TRAPPC9: variants seen among roughly 807,000 people sequenced by gnomAD.
The protein encoded by TRAPPC9 is trafficking protein particle complex subunit 9.
In TRAPPC9, 83 loss-of-function variants were observed where a neutral mutation model predicts 124.0. The observed-to-expected ratio is 0.67, with a 90% CI of 0.56 to 0.80. TRAPPC9 has a LOEUF of 0.80. Among genes scored for constraint, TRAPPC9 ranks in the 30% least tolerant of loss-of-function variants. TRAPPC9 has a pLI of 0.00. For synonymous variants in TRAPPC9, 638 were observed against 617.5 expected, an observed-to-expected ratio of 1.03 and a Z score of -0.49; for missense variants, 1,302 against 1,508.3, an observed-to-expected ratio of 0.86 and a Z score of 2.27.
At chr8:140,235,782 C>T (rs145363951) in intron 16 of TRAPPC9, among the ~76,000 whole-genome samples, 12 of 152,312 alleles carry the variant, frequency 7.9e-5, no homozygotes, top group Admixed American at 3.9e-4. Flanking sequence ...CTACCAAATA[C>T]ATGCACAAGA....
intron 17 of TRAPPC9, among the ~76,000 whole-genome samples, chr8:140,119,788 C>T (rs1164104934): frequency 6.6e-6 from 1 of 152,196 alleles, no homozygotes; most frequent in Non-Finnish European, 1.5e-5. Flanking sequence ...TCTCAAATGT[C>T]ACCTTCTCTA....
intron 7 of TRAPPC9, among the ~76,000 whole-genome samples, chr8:140,383,003 A>G (rs1035819918): frequency 6.6e-6 from 1 of 152,256 alleles, no homozygotes; most frequent in East Asian, 1.9e-4. Context: ...TTTGCTGTTC[A>G]GCAATATTAG....
intron 18 of TRAPPC9, among the ~76,000 whole-genome samples, chr8:139,996,985 G>A (rs1221863881): frequency 6.6e-6 from 1 of 152,172 alleles, no homozygotes. Context: ...GACCTCAGGT[G>A]ATCCACCCAC....
In TRAPPC9 at chr8:139,962,653, T is replaced by G. The variant is rs1409132873; in HGVS notation, c.2810+26073A>C. Among the ~76,000 whole-genome samples, 7 of 124,410 alleles carry G rather than the reference T, an allele frequency of 5.6e-5. 2 individuals carry two copies. Among genetic ancestry groups the G allele is most frequent in the Non-Finnish European group, 1.2e-4 (6 of 52,164 alleles). The allele number at this position is 124,410 out of a possible 152,430, so 81.6% of individuals were successfully genotyped here. A position where few individuals can be genotyped will look rare whatever the true frequency, so the allele number is the denominator to read the frequency against. Reference sequence around the variant, plus strand: ...CCCACTGCCATTCTCCCAGCCCCACTGGAAGCATGTGGCCACGGTGACCAG... The same window carrying G: ...CCCACTGCCATTCTCCCAGCCCCACGGGAAGCATGTGGCCACGGTGACCAG... On this transcript the variant is annotated intron_variant, in intron 19 of 22. Coordinates refer to ENST00000438773, the MANE Select transcript of TRAPPC9 (RefSeq NM_001160372.4).
At chr8:140,184,587 C>T (rs957095483) in intron 17 of TRAPPC9, among the ~76,000 whole-genome samples, 1 of 152,156 alleles carries the variant, frequency 6.6e-6, no homozygotes, top group South Asian at 2.1e-4. Context: ...AGGAGTAAGC[C>T]ACCATGCCTG....
Position 139,984,119 on chromosome 8 carries a change from GCAC to G in TRAPPC9, c.2810+4604_2810+4606del, listed in dbSNP as rs1251324547. ...TACTAGGAGGGAGGAGAGGCGGCAG[GCAC>G]CACAATTATCTAACTGGGGTTGGTC... On this transcript the variant is annotated intron_variant, in intron 19 of 22. Coordinates refer to ENST00000438773, the MANE Select transcript of TRAPPC9 (RefSeq NM_001160372.4). The surrounding 1 kb of genome is among the most constrained non-coding windows in gnomAD (Gnocchi z 4.3). Among the ~76,000 whole-genome samples the G allele has an allele frequency of 1.3e-5, 2 of 152,144 alleles. No homozygotes were observed. Among genetic ancestry groups the G allele is most frequent in the East Asian group, 3.9e-4 (2 of 5,170 alleles).
At chr8:139,913,087 G>A (rs139375567) in intron 19 of TRAPPC9, among the ~76,000 whole-genome samples, 199 of 152,312 alleles carry the variant, frequency 1.3e-3, no homozygotes, top group African/African-American at 4.7e-3. Flanking sequence ...CAGAGCACAC[G>A]CTGGATGCTG....
At chr8:140,275,610 G>A (rs1321151859) in intron 15 of TRAPPC9, 48 bp downstream of exon 15, 2 of 1,584,584 alleles carry the variant, frequency 1.3e-6, no homozygotes, top group South Asian at 1.1e-5. Context: ...TCTTCTACAA[G>A]TAAACAATAC....
intron 4 of TRAPPC9, among the ~76,000 whole-genome samples, chr8:140,432,731 G>A (rs935154999): frequency 6.6e-6 from 1 of 152,078 alleles, no homozygotes; most frequent in African/African-American, 2.4e-5. Context: ...AATTAGCCAG[G>A]CGTGGTGGCG....
intron 19 of TRAPPC9, among the ~76,000 whole-genome samples, chr8:139,981,774 G>C (rs1836913231): frequency 6.6e-6 from 1 of 152,186 alleles, no homozygotes; most frequent in Non-Finnish European, 1.5e-5. Flanking sequence ...CCCCAGGTTG[G>C]CCATTGCCTG....
intron 21 of TRAPPC9, among the ~76,000 whole-genome samples, chr8:139,755,210 T>A (rs140966890): frequency 1.3e-5 from 2 of 152,334 alleles, no homozygotes; most frequent in African/African-American, 2.4e-5. Context: ...GCTGAGTGAA[T>A]CAGTGAACCT....
intron 17 of TRAPPC9, among the ~76,000 whole-genome samples, chr8:140,147,764 CAAAAT>C (rs771503260): frequency 5.3e-5 from 8 of 152,328 alleles, no homozygotes; most frequent in Non-Finnish European, 1.2e-4. Flanking sequence ...ACTTGATTCT[CAAAAT>C]AAGCCACAGA....
In TRAPPC9 at chr8:139,984,024, C is replaced by T. The variant is rs2131680788; in HGVS notation, c.2810+4702G>A. ...TCTTCCCCCAGGAAGCATGTTGCTC[C>T]TCCTCGTGCTGTTGGGGACACATTT... On this transcript the variant is annotated intron_variant, in intron 19 of 22. Transcript: ENST00000438773. The surrounding 1 kb of genome is among the most constrained non-coding windows in gnomAD (Gnocchi z 4.3). Among the ~76,000 whole-genome samples the T allele has an allele frequency of 6.6e-6, 1 of 152,320 alleles. No individual in the cohort carries two copies. The highest frequency in any genetic ancestry group is 3.4e-3 in the Middle Eastern group (1 of 294).
In TRAPPC9 at chr8:140,015,424, T is replaced by C. The variant is rs533702341; in HGVS notation, c.2699+8513A>G. Among the ~76,000 whole-genome samples, 16 of 152,346 alleles carry C rather than the reference T, an allele frequency of 1.1e-4. No homozygotes were observed. The South Asian group carries it at 2.1e-3, about 20-fold the overall frequency. On this transcript the variant is annotated intron_variant, in intron 18 of 22. Coordinates refer to ENST00000438773, the MANE Select transcript of TRAPPC9 (RefSeq NM_001160372.4). ...AAAGTAATGAATTCACAATACACCA[T>C]GCATCACGTAACTTCAATAAACTGC... is the stretch of plus-strand genomic sequence containing the variant.
chr8:140,386,478 G>C (rs536140085), intron 7 of TRAPPC9, among the ~76,000 whole-genome samples: 26 of 152,226 alleles, frequency 1.7e-4, no homozygotes, highest in South Asian at 4.1e-4. Flanking sequence ...TCTCAGGATA[G>C]AAAATCAATG....
intron 5 of TRAPPC9, among the ~76,000 whole-genome samples, chr8:140,423,019 A>G (rs973329409): frequency 1.3e-5 from 2 of 152,190 alleles, no homozygotes; most frequent in Admixed American, 1.3e-4. Context: ...ACTTGCATTC[A>G]TTGCTAGTAG....
At chr8:139,780,846 A>G (rs1239576745) in intron 21 of TRAPPC9, among the ~76,000 whole-genome samples, 7 of 152,228 alleles carry the variant, frequency 4.6e-5, no homozygotes, top group Admixed American at 4.6e-4. Context: ...AATCTGATTT[A>G]AAAATGGGCC....
intron 13 of TRAPPC9, among the ~76,000 whole-genome samples, chr8:140,285,669 TTG>T (rs1382387255): frequency 6.6e-6 from 1 of 151,738 alleles, no homozygotes; most frequent in Non-Finnish European, 1.5e-5. Context: ...TACCACCACG[TTG>T]TTCTTTCTGC....
intron 21 of TRAPPC9, among the ~76,000 whole-genome samples, chr8:139,852,995 C>T (rs2130939658): frequency 6.6e-6 from 1 of 152,338 alleles, no homozygotes; most frequent in East Asian, 1.9e-4. Flanking sequence ...CCATACGCTG[C>T]TGTTCGTCAT....
Sources: gnomAD v4.1 joint callset for allele counts (sites outside exome capture counted in the v4.1 genomes callset) on GRCh38, gnomAD v4.1.1 for gene constraint, Gnocchi (gnomAD v3.1) non-coding constraint, MANE v1.5 for transcripts, NCBI Gene and HGNC (gene_info 2026-07-23, HGNC 2026-07-21) for gene names.